Variants in INSRR observed in about 807,000 individuals in gnomAD.
The protein encoded by INSRR is insulin receptor-related protein.
INSRR carries 114 observed loss-of-function variants against 130.0 expected under a neutral mutation model. The ratio of observed to expected loss-of-function variants is 0.88; its 90% CI spans 0.75 to 1.02. The LOEUF is 1.02. Ranked by LOEUF, INSRR falls within the 50% of genes least tolerant of loss-of-function variation. INSRR has a pLI of 0.00. For synonymous variants in INSRR, 674 were observed against 705.2 expected, an observed-to-expected ratio of 0.96 and a Z score of 0.70; for missense variants, 1,657 against 1,735.2, an observed-to-expected ratio of 0.95 and a Z score of 0.80.
chr1:156,841,617 G>C, intron 20 of INSRR, 48 bp downstream of exon 20: 8 of 1,609,878 alleles, frequency 5.0e-6, no homozygotes, highest in Middle Eastern at 1.7e-4. Flanking sequence ...CCCCTCCCCA[G>C]ATCCCGCCTC....
rs755603979 is a variant in INSRR, at chr1:156,849,279, T to G, written c.1411A>C (p.Ile471Leu). 6 of 1,613,748 alleles carry G rather than the reference T, an allele frequency of 3.7e-6. No individual in the cohort carries two copies. In the East Asian group the frequency reaches 1.1e-4, roughly 30 times the overall value. Reference sequence around the variant, plus strand: ...CGGTCTCCGTTGGTGCGGGGGTTGATCTCAGCCTTGTTCTGCCGACCTCGC... The same window carrying G: ...CGGTCTCCGTTGGTGCGGGGGTTGAGCTCAGCCTTGTTCTGCCGACCTCGC... The part of the protein sequence containing the change: ...GTRGRQNKAE[I>L]NPRTNGDRAA... The change falls in exon 6 of 22, where the codon ATC becomes CTC. Residue 471 changes from isoleucine (I) to leucine (L), a missense_variant. Physicochemically the swap from Ile to Leu is conservative, Grantham distance 5. Coordinates refer to ENST00000368195, the MANE Select transcript of INSRR (RefSeq NM_014215.3).
At position 156,852,022 on chromosome 1, in the gene INSRR, A is replaced by G. The variant is rs759224036; in HGVS notation, c.807T>C (p.Tyr269=). The change falls in exon 3 of 22, where the codon TAT becomes TAC. Residue 269 remains tyrosine, a synonymous_variant. Coordinates refer to ENST00000368195, the MANE Select transcript of INSRR (RefSeq NM_014215.3). ...CAGCTGTGACACAGCGCCAGGACTC[A>G]TACTGGTAGGTGCCTGGCGGGCAGG... ...LWACPPGTYQ[Y]ESWRCVTAER... 6.2e-7 allele frequency: 1 copy of G among 1,613,552 alleles called. No homozygotes were observed.
In INSRR at chr1:156,851,291, C is replaced by A. The variant is rs986282755; in HGVS notation, c.1228G>T (p.Gly410Trp). Residue 410 changes from glycine (G) to tryptophan (W), a missense_variant and splice_region_variant, in exon 5 of 22, where the codon GGG becomes TGG. Physicochemically the swap from Gly to Trp is radical, Grantham distance 184. Coordinates refer to ENST00000368195, the MANE Select transcript of INSRR (RefSeq NM_014215.3). ...KLIRGDAMVD[G>W]NYTLYVLDNQ... is the part of the protein sequence containing the mutation. ...GCTGGTCAGAGGCCTAACCCTTACCCATCCACCATGGCGTCTCCCCGGATT... is the reference window on the plus strand; with the variant it reads ...GCTGGTCAGAGGCCTAACCCTTACCAATCCACCATGGCGTCTCCCCGGATT... 6.2e-7 allele frequency: 1 copy of A among 1,614,154 alleles called. No homozygotes were observed. The highest frequency in any genetic ancestry group is 1.7e-5 in the Admixed American group (1 of 60,022).
chr1:156,846,715 A>C lies in INSRR; in HGVS notation c.1614T>G (p.Cys538Trp), dbSNP rs1297160915. The change falls in exon 8 of 22, where the codon TGT (cysteine) becomes TGG (tryptophan). Residue 538 changes from cysteine (C) to tryptophan (W), a missense_variant. Cys to Trp is a radical substitution (Grantham distance 215, BLOSUM62 -2). Transcript: ENST00000368195. ...CCAGCAGGTTCCAGCTCTGGGTTCC[A>C]CAAGCATCTGGACCCACGTGCTCTG... Reference protein sequence around the residue: ...NATEHVGPDACGTQSWNLLDV... With the variant: ...NATEHVGPDAWGTQSWNLLDV... 27 of 1,613,924 alleles carry C rather than the reference A, an allele frequency of 1.7e-5. No individual in the cohort carries two copies. Among genetic ancestry groups the C allele is most frequent in the Non-Finnish European group, 2.1e-5 (25 of 1,180,032 alleles).
chr1:156,840,150 A>C lies in INSRR; in HGVS notation c.*723T>G, dbSNP rs1654718665. 1 of 116,226 alleles carries C rather than the reference A, an allele frequency of 8.6e-6. No homozygotes were observed. 7.2% of individuals were successfully genotyped at this position (116,226 alleles called of 1,614,324 possible). A position where few individuals can be genotyped will look rare whatever the true frequency, so the allele number is the denominator to read the frequency against. On this transcript the variant is annotated 3_prime_UTR_variant, in exon 22 of 22. Coordinates refer to ENST00000368195, the MANE Select transcript of INSRR (RefSeq NM_014215.3). ...GGCGGGGCTGGGTGAGGGTGAGGGG[A>C]GGGAGGAAGATGAGGCTCTGAAAGC...
chr1:156,840,932 G>A lies in INSRR; in HGVS notation c.3835C>T (p.Pro1279Ser), dbSNP rs778328398. ...TCTCTTGGAGTGGGTGAGGAGTCAG[G>A]CTCTGCATCGGTGGTAGGCAGGGAG... is the stretch of plus-strand genomic sequence containing the variant. ...RGSLPTTDAE[P>S]DSSPTPRDCS... is the part of the protein sequence containing the mutation. The change falls in exon 22 of 22, where the codon CCT (proline) becomes TCT (serine). Residue 1279 changes from proline to serine, a missense_variant. Physicochemically the swap from Pro to Ser is moderately conservative, Grantham distance 74 (BLOSUM62 -1). Coordinates refer to ENST00000368195, the MANE Select transcript of INSRR (RefSeq NM_014215.3). The A allele has an allele frequency of 6.2e-7, 1 of 1,614,112 alleles. No individual in the cohort carries two copies. The highest frequency in any genetic ancestry group is 8.5e-7 in the Non-Finnish European group (1 of 1,179,982).
chr1:156,854,160 T>A lies in INSRR; in HGVS notation c.229A>T (p.Thr77Ser), dbSNP rs199848379. The A allele has an allele frequency of 1.1e-4, 181 of 1,613,972 alleles. No homozygotes were observed. Among genetic ancestry groups the A allele is most frequent in the Middle Eastern group, 1.6e-4 (1 of 6,084 alleles). ...AGCAGCAGGTAGTCGGTGACCTGGG[T>A]GAGGCGAGGGAAGCTGAGGCCGCGG... Reference protein sequence around the residue: ...DFRGLSFPRLTQVTDYLLLFR... With the variant: ...DFRGLSFPRLSQVTDYLLLFR... The change falls in exon 2 of 22, where the codon ACC becomes TCC. Residue 77 changes from threonine to serine, a missense_variant. Transcript: ENST00000368195. This position sits in a 1 kb window ranked among gnomAD's most constrained non-coding sequence, Gnocchi z 4.2.
intron 2 of INSRR, 139 bp from the exon 3 acceptor site, chr1:156,852,330 G>T: frequency 1.2e-6 from 1 of 837,682 alleles, no homozygotes; most frequent in Non-Finnish European, 1.8e-6. Context: ...GACACTGGTT[G>T]CCGACTCTGT....
rs1272918212 is a variant in INSRR, at chr1:156,846,619, C to A, written c.1710G>T (p.Gln570His). 1 of 1,614,088 alleles carries A rather than the reference C, an allele frequency of 6.2e-7. No individual in the cohort carries two copies. The highest frequency in any genetic ancestry group is 8.5e-7 in the Non-Finnish European group (1 of 1,180,042). ...TGATGGCCCGCACAAACACTGCGTA[C>A]TGTGTCCAAGGCTTGAGGGAGGCTA... ...VTLASLKPWT[Q>H]YAVFVRAITL... is the part of the protein sequence containing the mutation. Residue 570 changes from glutamine to histidine, a missense_variant, in exon 8 of 22, where the codon CAG becomes CAT. Coordinates refer to ENST00000368195, the MANE Select transcript of INSRR (RefSeq NM_014215.3).
chr1:156,844,051 G>A, intron 15 of INSRR, 124 bp downstream of exon 15: 2 of 693,440 alleles, frequency 2.9e-6, no homozygotes, highest in Admixed American at 5.1e-5. Context: ...GCCACCGCAG[G>A]GGAAGAGTTA....
Position 156,844,267 on chromosome 1 carries a change from A to T in INSRR, c.2751T>A (p.Ala917=). Residue 917 remains alanine (A), a synonymous_variant, in exon 15 of 22, where the codon GCT becomes GCA. Transcript: ENST00000368195. The stretch of plus-strand genomic sequence containing the variant: ...CAGTGAGGAGGACATGCAGCCCCCC[A>T]GCATCCTCCTCCTCTGGCAGTCAGA... The part of the protein sequence containing the change: ...FYILGPEEED[A]GGLHVLLTAT... The T allele has an allele frequency of 6.2e-7, 1 of 1,613,270 alleles. No individual in the cohort carries two copies. The highest frequency in any genetic ancestry group is 8.5e-7 in the Non-Finnish European group (1 of 1,179,498).
rs1484796854 is a variant in INSRR, at chr1:156,858,557, A to G, written c.65T>C (p.Phe22Ser). The change falls in exon 1 of 22, where the codon TTT becomes TCT. Residue 22 changes from phenylalanine (F) to serine (S), a missense_variant. By Grantham distance (155) the Phe-to-Ser change is radical (BLOSUM62 -2). Transcript: ENST00000368195. ...CLPVIFLSLG[F>S]GLDTVEVCPS... is the part of the protein sequence containing the mutation. ...CTCACCCTCTACTGTATCCAGGCCA[A>G]ATCCCAAGGAGAGGAAGATCACAGG... The G allele has an allele frequency of 1.2e-6, 2 of 1,613,864 alleles. No homozygotes were observed. The highest frequency in any genetic ancestry group is 1.7e-6 in the Non-Finnish European group (2 of 1,179,970).
At position 156,848,777 on chromosome 1, in the gene INSRR, G is replaced by T. The variant is rs1655096052; in HGVS notation, c.1571+144C>A. 6.5e-6 allele frequency: 6 copies of T among 928,006 alleles called. 1 individual carries two copies. In the South Asian group the frequency reaches 1.0e-4, roughly 16 times the overall value. The allele number at this position is 928,006 out of a possible 1,614,324, so 57.5% of individuals were successfully genotyped here. A position where few individuals can be genotyped will look rare whatever the true frequency, so the allele number is the denominator to read the frequency against. On this transcript the variant is annotated intron_variant, in intron 7 of 21. Transcript: ENST00000368195. ...GGTGAGGGAAGAGAGCCAGACCTGGGCCCTACCACGGAGTACAACTTGCGG... is the reference window on the plus strand; with the variant it reads ...GGTGAGGGAAGAGAGCCAGACCTGGTCCCTACCACGGAGTACAACTTGCGG...
chr1:156,845,933 G>T lies in INSRR; in HGVS notation c.1978+19C>A. On this transcript the variant is annotated intron_variant, in intron 9 of 21. Coordinates refer to ENST00000368195, the MANE Select transcript of INSRR (RefSeq NM_014215.3). The stretch of plus-strand genomic sequence containing the variant: ...TCCCCACCCGCCCCGCGGCCGGCCT[G>T]CGCGTCGTCCCTGCGCACCGCGGTG... 6.2e-7 allele frequency: 1 copy of T among 1,607,692 alleles called. No individual in the cohort carries two copies. Among genetic ancestry groups the T allele is most frequent in the Non-Finnish European group, 8.5e-7 (1 of 1,176,922 alleles).
rs141373320 is a variant in INSRR, at chr1:156,851,304, G to A, written c.1215C>T (p.Asp405=). 8.6e-4 allele frequency: 1,393 copies of A among 1,614,106 alleles called. 5 individuals are homozygous for A. The highest frequency in any genetic ancestry group is 9.9e-4 in the Non-Finnish European group (1,165 of 1,180,012). ...CTAACCCTTACCCATCCACCATGGC[G>A]TCTCCCCGGATTAGTTTGAGGTTCT... ...FFKNLKLIRG[D]AMVDGNYTLY... The change falls in exon 5 of 22, where the codon GAC becomes GAT. Residue 405 remains aspartate (D), a synonymous_variant. Coordinates refer to ENST00000368195, the MANE Select transcript of INSRR (RefSeq NM_014215.3).
rs75289430 is a variant in INSRR at position 156,848,502 on chromosome 1, C to T, written c.1571+419G>A. ...AAGAGCAGCTGTGGTCCCTGGCGGC[C>T]CCTGCTCCCTCCCTTCCTAAGGCTT... On this transcript the variant is annotated intron_variant, in intron 7 of 21. Transcript: ENST00000368195. Among the ~76,000 whole-genome samples, 158 of 152,300 alleles carry T rather than the reference C, an allele frequency of 1.0e-3. 3 individuals are homozygous for T. The East Asian group carries it at 0.027, about 26-fold the overall frequency.
chr1:156,845,570 C>T, intron 10 of INSRR, 49 bp downstream of exon 10: 2 of 1,482,466 alleles, frequency 1.3e-6, no homozygotes, highest in Non-Finnish European at 9.1e-7. Flanking sequence ...ACCCGCCCCT[C>T]ACAGGCCCCA....
At chr1:156,851,110 T>G in intron 5 of INSRR, 180 bp downstream of exon 5, 1 of 713,304 alleles carries the variant, frequency 1.4e-6, no homozygotes, top group Non-Finnish European at 2.5e-6. Context: ...AAGTAAGTAA[T>G]GTTATATTAG....
Position 156,845,409 on chromosome 1 carries a change from G to A in INSRR, c.2179C>T (p.Pro727Ser). 1 of 1,554,014 alleles carries A rather than the reference G, an allele frequency of 6.4e-7. No individual in the cohort carries two copies. Among genetic ancestry groups the A allele is most frequent in the Non-Finnish European group, 8.7e-7 (1 of 1,148,772 alleles). The change falls in exon 11 of 22, where the codon CCT becomes TCT. Residue 727 changes from proline (P) to serine (S), a missense_variant. Coordinates refer to ENST00000368195, the MANE Select transcript of INSRR (RefSeq NM_014215.3). ...LHNAITIPIS[P>S]WKVTSINKSP... ...TTGTTGATGGACGTCACCTTCCAAGGGGATCTGGGGAGGCCAGGAGTAGCC... is the reference window on the plus strand; with the variant it reads ...TTGTTGATGGACGTCACCTTCCAAGAGGATCTGGGGAGGCCAGGAGTAGCC...
Sources: allele counts gnomAD v4.1 joint callset (sites outside exome capture counted in the v4.1 genomes callset), GRCh38; gene constraint gnomAD v4.1.1; non-coding constraint Gnocchi (gnomAD v3.1); transcripts MANE v1.5; gene names NCBI Gene and HGNC (gene_info 2026-07-23, HGNC 2026-07-21).